Variants in CAMKMT observed in about 807,000 individuals in gnomAD.
CAMKMT encodes CaM KMT.
Under a neutral mutation model 48.0 loss-of-function variants are expected in CAMKMT, and 53 were observed. The observed-to-expected ratio is 1.10, with a 90% CI of 0.89 to 1.39. The LOEUF is 1.39. Among genes scored for constraint, CAMKMT ranks in the 40% most tolerant of loss-of-function variants. The pLI is 0.00. For synonymous variants in CAMKMT, 165 were observed against 152.3 expected, an observed-to-expected ratio of 1.08 and a Z score of -0.61; for missense variants, 428 against 402.7, an observed-to-expected ratio of 1.06 and a Z score of -0.54.
At chr2:44,729,422 T>C (rs1294463909) in intron 7 of CAMKMT, among the ~76,000 whole-genome samples, 2 of 152,140 alleles carry the variant, frequency 1.3e-5, no homozygotes. Flanking sequence ...AAGAAGGGAC[T>C]GGAGAGCAAG....
chr2:44,596,148 A>C (rs1364928203), intron 3 of CAMKMT, among the ~76,000 whole-genome samples: 1 of 152,006 alleles, frequency 6.6e-6, no homozygotes, highest in Non-Finnish European at 1.5e-5. Context: ...AAAAAAAAGA[A>C]AGAAAAAGAC....
chr2:44,385,478 G>C (rs571507081), intron 2 of CAMKMT, among the ~76,000 whole-genome samples: 35 of 152,100 alleles, frequency 2.3e-4, no homozygotes, highest in African/African-American at 8.2e-4. Context: ...TCTTTCTCTT[G>C]TGATTGCTCT....
intron 3 of CAMKMT, among the ~76,000 whole-genome samples, chr2:44,412,461 G>A (rs924265858): frequency 1.2e-4 from 18 of 151,976 alleles, no homozygotes; most frequent in Admixed American, 3.3e-4. Flanking sequence ...TCGGCTTCCC[G>A]AGTGGCTGGG....
chr2:44,433,033 A>T (rs1056818591), intron 3 of CAMKMT, among the ~76,000 whole-genome samples: 3 of 152,164 alleles, frequency 2.0e-5, no homozygotes, highest in Admixed American at 6.6e-5. Context: ...ATTTCCTTAT[A>T]TTCTCTCTCA....
At chr2:44,404,802 C>T (rs184735338) in intron 3 of CAMKMT, among the ~76,000 whole-genome samples, 53 of 151,962 alleles carry the variant, frequency 3.5e-4, no homozygotes, top group Admixed American at 3.9e-4. Context: ...GTCTTAGATG[C>T]TTTGATTCTG....
chr2:44,706,882 C>T (rs1187684339), intron 5 of CAMKMT, among the ~76,000 whole-genome samples: 1 of 152,050 alleles, frequency 6.6e-6, no homozygotes, highest in Admixed American at 6.6e-5. Flanking sequence ...TATGTCTCTA[C>T]AAATAAAAGC....
At chr2:44,508,187 A>T (rs946825849) in intron 3 of CAMKMT, among the ~76,000 whole-genome samples, 1 of 152,204 alleles carries the variant, frequency 6.6e-6, no homozygotes, top group Non-Finnish European at 1.5e-5. Flanking sequence ...GAATTAGTGT[A>T]TCAATTGTGA....
At chr2:44,697,539 A>AG (rs1427903900) in intron 3 of CAMKMT, among the ~76,000 whole-genome samples, 1 of 152,074 alleles carries the variant, frequency 6.6e-6, no homozygotes, top group Admixed American at 6.5e-5. Context: ...TTAGCAAATG[A>AG]GGGGGGAAAA....
At chr2:44,463,671 A>G (rs904488767) in intron 3 of CAMKMT, among the ~76,000 whole-genome samples, 5 of 152,186 alleles carry the variant, frequency 3.3e-5, no homozygotes, top group Admixed American at 6.5e-5. Flanking sequence ...TTGCAGCACC[A>G]AGAACCCTGC....
At chr2:44,517,314 C>T (rs531331659) in intron 3 of CAMKMT, among the ~76,000 whole-genome samples, 1 of 152,186 alleles carries the variant, frequency 6.6e-6, no homozygotes, top group African/African-American at 2.4e-5. Flanking sequence ...AAGAAGTCTT[C>T]AATTTTGATT....
At chr2:44,663,716 T>A (rs896378162) in intron 3 of CAMKMT, among the ~76,000 whole-genome samples, 5 of 152,180 alleles carry the variant, frequency 3.3e-5, no homozygotes, top group African/African-American at 4.8e-5. Flanking sequence ...TTCACCCTCT[T>A]CAGTCTCCTA....
intron 3 of CAMKMT, among the ~76,000 whole-genome samples, chr2:44,561,172 T>C (rs1027314333): frequency 5.9e-5 from 9 of 152,190 alleles, no homozygotes; most frequent in Non-Finnish European, 1.0e-4. Context: ...AATTTAGCCT[T>C]TCTGATACTG....
chr2:44,748,428 A>G (rs1245585602), intron 8 of CAMKMT, among the ~76,000 whole-genome samples: 1 of 152,082 alleles, frequency 6.6e-6, no homozygotes, highest in Non-Finnish European at 1.5e-5. Flanking sequence ...TACCGGTTTT[A>G]GGATGCACAG....
At chr2:44,625,546 T>C (rs1672434526) in intron 3 of CAMKMT, among the ~76,000 whole-genome samples, 1 of 152,144 alleles carries the variant, frequency 6.6e-6, no homozygotes, top group Non-Finnish European at 1.5e-5. Context: ...TTTTTTTCTT[T>C]TATGGCTAGT....
chr2:44,613,675 A>C (rs78334013), intron 3 of CAMKMT, among the ~76,000 whole-genome samples: 53 of 152,318 alleles, frequency 3.5e-4, no homozygotes, highest in Non-Finnish European at 2.4e-4. Flanking sequence ...CATTGTTCTA[A>C]GTACTTCTCA....
chr2:44,735,773 C>T (rs143301025), intron 7 of CAMKMT, among the ~76,000 whole-genome samples: 3 of 151,740 alleles, frequency 2.0e-5, no homozygotes, highest in East Asian at 1.9e-4. Flanking sequence ...ATTAGCCAGG[C>T]GTGGTCGTTG....
intron 3 of CAMKMT, among the ~76,000 whole-genome samples, chr2:44,412,453 G>T (rs528746063): frequency 2.0e-5 from 3 of 151,812 alleles, no homozygotes; most frequent in Non-Finnish European, 2.9e-5. Flanking sequence ...CTCCTGCCTC[G>T]GCTTCCCGAG....
At chr2:44,668,112 G>A (rs1050240466) in intron 3 of CAMKMT, among the ~76,000 whole-genome samples, 2 of 152,114 alleles carry the variant, frequency 1.3e-5, no homozygotes, top group African/African-American at 2.4e-5. Flanking sequence ...CATTTCCCTG[G>A]TAAATTTGTT....
intron 3 of CAMKMT, among the ~76,000 whole-genome samples, chr2:44,518,804 T>C (rs1289550595): frequency 6.6e-6 from 1 of 152,136 alleles, no homozygotes. Flanking sequence ...ATCAAGTGAG[T>C]GCATATTCAT....
Sources: allele counts gnomAD v4.1 joint callset (sites outside exome capture counted in the v4.1 genomes callset), GRCh38; gene constraint gnomAD v4.1.1; transcripts MANE v1.5; gene names NCBI Gene and HGNC (gene_info 2026-07-23, HGNC 2026-07-21).